Variants in PRKCH observed in about 807,000 individuals in gnomAD.
PRKCH encodes the protein protein kinase C eta type.
In PRKCH, 28 loss-of-function variants were observed where a neutral mutation model predicts 82.5. That is an observed-to-expected ratio of 0.34 (90% CI 0.25 to 0.47). The LOEUF is 0.47. PRKCH is among the 20% of genes least tolerant of loss of function. PRKCH has a pLI of 1.00. For synonymous variants in PRKCH, 322 were observed against 327.4 expected, an observed-to-expected ratio of 0.98 and a Z score of 0.18; for missense variants, 705 against 881.8, an observed-to-expected ratio of 0.80 and a Z score of 2.54.
chr14:61,301,295 A>G (rs1414451263), intron 1 of PRKCH, among the ~76,000 whole-genome samples: 1 of 152,192 alleles, frequency 6.6e-6, no homozygotes, highest in African/African-American at 2.4e-5. Flanking sequence ...AGTCATTATT[A>G]TCATCACTGA....
At chr14:61,269,721 G>A (rs1483227309) in intron 1 of PRKCH, among the ~76,000 whole-genome samples, 1 of 152,196 alleles carries the variant, frequency 6.6e-6, no homozygotes, top group Non-Finnish European at 1.5e-5. Flanking sequence ...AGACCCAAAG[G>A]TAATTAAATG....
chr14:61,482,543 C>CTGCATTAAGTCGTCG (rs1221689870), intron 9 of PRKCH, among the ~76,000 whole-genome samples: 1 of 152,186 alleles, frequency 6.6e-6, no homozygotes, highest in East Asian at 1.9e-4. Flanking sequence ...GACCAGTACT[C>CTGCATTAAGTCGTCG]TGCATTAAGT....
chr14:61,356,698 T>C (rs1357607291), intron 1 of PRKCH, among the ~76,000 whole-genome samples: 2 of 152,222 alleles, frequency 1.3e-5, no homozygotes, highest in South Asian at 4.1e-4. Flanking sequence ...TGTTTTGTTT[T>C]TGAGATGGAG....
At chr14:61,331,055 G>A (rs1282157350) in intron 1 of PRKCH, among the ~76,000 whole-genome samples, 1 of 152,138 alleles carries the variant, frequency 6.6e-6, no homozygotes, top group African/African-American at 2.4e-5. Flanking sequence ...CAGCCTATGG[G>A]CTGTGGGTTG....
intron 9 of PRKCH, among the ~76,000 whole-genome samples, chr14:61,480,927 C>A (rs1885942794): frequency 6.6e-6 from 1 of 152,132 alleles, no homozygotes; most frequent in South Asian, 2.1e-4. Context: ...CCACCTCAGT[C>A]CCCACTCCAG....
At chr14:61,270,498 A>G (rs1164393742) in intron 1 of PRKCH, among the ~76,000 whole-genome samples, 1 of 152,182 alleles carries the variant, frequency 6.6e-6, no homozygotes, top group Non-Finnish European at 1.5e-5. Context: ...ACTTTCCACT[A>G]AAATGGAGTG....
intron 2 of PRKCH, among the ~76,000 whole-genome samples, chr14:61,410,347 G>A (rs909295536): frequency 6.6e-6 from 1 of 152,172 alleles, no homozygotes; most frequent in Non-Finnish European, 1.5e-5. Context: ...GGGAGCATGT[G>A]TTGACAAACC....
intron 1 of PRKCH, among the ~76,000 whole-genome samples, chr14:61,223,334 G>A (rs755205908): frequency 2.6e-5 from 4 of 152,170 alleles, no homozygotes; most frequent in Non-Finnish European, 5.9e-5. Flanking sequence ...GTGGGGGTGG[G>A]ACCTAAAGGT....
chr14:61,477,455 A>T (rs941519613), intron 9 of PRKCH, among the ~76,000 whole-genome samples: 3 of 152,230 alleles, frequency 2.0e-5, no homozygotes, highest in Non-Finnish European at 4.4e-5. Flanking sequence ...TCATAGAGAC[A>T]ACAGATTTTT....
chr14:61,313,420 G>C (rs1051932533), intron 1 of PRKCH, among the ~76,000 whole-genome samples: 2 of 152,044 alleles, frequency 1.3e-5, no homozygotes, highest in African/African-American at 4.8e-5. Context: ...TTTTTAAAAT[G>C]TCAAAAATAT....
chr14:61,496,920 T>C (rs969957806), intron 10 of PRKCH, among the ~76,000 whole-genome samples: 17 of 152,324 alleles, frequency 1.1e-4, no homozygotes, highest in Admixed American at 1.1e-3. Context: ...ACACTCAGCT[T>C]GGGAAGAGCT....
At chr14:61,377,287 C>T (rs953475233) in intron 1 of PRKCH, among the ~76,000 whole-genome samples, 4 of 152,140 alleles carry the variant, frequency 2.6e-5, no homozygotes, top group African/African-American at 9.7e-5. Context: ...TCTTCTTTTC[C>T]TGTGCTCTTT....
At chr14:61,456,427 C>G (rs1346507086) in intron 7 of PRKCH, among the ~76,000 whole-genome samples, 1 of 152,098 alleles carries the variant, frequency 6.6e-6, no homozygotes, top group Non-Finnish European at 1.5e-5. Context: ...TGTGAGATAT[C>G]CATGAAATGG....
At chr14:61,244,148 A>T (rs1479255503) in intron 1 of PRKCH, among the ~76,000 whole-genome samples, 1 of 152,058 alleles carries the variant, frequency 6.6e-6, no homozygotes, top group Non-Finnish European at 1.5e-5. Context: ...GAGGCATGAG[A>T]CCGCCACATG....
intron 1 of PRKCH, chr14:61,187,727 GT>G (rs2044374169): frequency 6.6e-6 from 1 of 152,126 alleles, no homozygotes; most frequent in South Asian, 2.1e-4. Flanking sequence ...CTTGTTCAGA[GT>G]TTTTCGATCC....
rs185957673 is a variant in PRKCH at position 61,423,999 on chromosome 14, G to A, written c.428-19112G>A. ...CTTGTGATAGTGAGGGAATTCTCAC[G>A]AGAACTGATGGTTTTATAAGGGGCT... On this transcript the variant is annotated intron_variant, in intron 2 of 13. Coordinates refer to ENST00000332981, the MANE Select transcript of PRKCH (RefSeq NM_006255.5). 1.1e-3 allele frequency among the ~76,000 whole-genome samples: 174 copies of A among 152,220 alleles called. 2 individuals are homozygous for A. Among genetic ancestry groups the A allele is most frequent in the African/African-American group, 4.1e-3 (170 of 41,522 alleles).
intron 2 of PRKCH, among the ~76,000 whole-genome samples, chr14:61,428,042 TATAG>T (rs1166349303): frequency 2.1e-4 from 26 of 121,924 alleles, no homozygotes; most frequent in African/African-American, 7.4e-4. Context: ...AATATATATA[TATAG>T]ATAGATAGAT....
intron 10 of PRKCH, among the ~76,000 whole-genome samples, chr14:61,505,621 C>T (rs1887116034): frequency 6.6e-6 from 1 of 151,640 alleles, no homozygotes; most frequent in African/African-American, 2.4e-5. Context: ...GTGATCCACC[C>T]GCCTTGGCCT....
At chr14:61,478,398 A>G (rs1321930857) in intron 9 of PRKCH, among the ~76,000 whole-genome samples, 1 of 152,132 alleles carries the variant, frequency 6.6e-6, no homozygotes, top group Non-Finnish European at 1.5e-5. Flanking sequence ...CACTGGGCAC[A>G]AAATCTCCTC....
Sources: gnomAD v4.1 joint callset for allele counts (sites outside exome capture counted in the v4.1 genomes callset) on GRCh38, gnomAD v4.1.1 for gene constraint, MANE v1.5 for transcripts, NCBI Gene and HGNC (gene_info 2026-07-23, HGNC 2026-07-21) for gene names.